FAM135B: variants seen among roughly 807,000 people sequenced by gnomAD.
The protein encoded by FAM135B is protein FAM135B.
FAM135B carries 43 observed loss-of-function variants against 127.7 expected under a neutral mutation model. That is an observed-to-expected ratio of 0.34 (90% CI 0.26 to 0.43). FAM135B has a LOEUF of 0.43. FAM135B is among the 20% of genes least tolerant of loss of function. The probability of loss-of-function intolerance (pLI) is 1.00; values close to 1 mark genes in which losing one functional copy is unlikely to be tolerated. For missense variants in FAM135B, 1,558 were observed against 1,725.6 expected (o/e 0.90, Z 1.72); for synonymous variants, 670 against 665.1 (o/e 1.01, Z -0.11).
At chr8:138,199,274 G>A (rs1174736317) in intron 7 of FAM135B, among the ~76,000 whole-genome samples, 1 of 152,210 alleles carries the variant, frequency 6.6e-6, no homozygotes, top group Non-Finnish European at 1.5e-5. Flanking sequence ...GATGCAGGGT[G>A]CTACCAATTT....
chr8:138,320,022 A>G (rs2130938785), intron 2 of FAM135B, among the ~76,000 whole-genome samples: 1 of 152,320 alleles, frequency 6.6e-6, no homozygotes, highest in South Asian at 2.1e-4. Flanking sequence ...AAACTGGAAA[A>G]GATAAAGAAA....
At chr8:138,374,744 A>G (rs1197056310) in intron 1 of FAM135B, among the ~76,000 whole-genome samples, 1 of 152,182 alleles carries the variant, frequency 6.6e-6, no homozygotes, top group African/African-American at 2.4e-5. Flanking sequence ...AGGTATCCGA[A>G]AAGGGGCTGT....
intron 2 of FAM135B, among the ~76,000 whole-genome samples, chr8:138,364,765 G>A (rs1456158517): frequency 6.6e-6 from 1 of 152,020 alleles, no homozygotes; most frequent in Non-Finnish European, 1.5e-5. Context: ...TACAAATATA[G>A]AAAAAGGTTT....
chr8:138,290,945 C>G (rs1214401226), intron 3 of FAM135B, among the ~76,000 whole-genome samples: 1 of 152,160 alleles, frequency 6.6e-6, no homozygotes, highest in Non-Finnish European at 1.5e-5. Flanking sequence ...TGAGCCTCTC[C>G]TGCCTCTAAC....
At chr8:138,214,816 C>A (rs116623159) in intron 7 of FAM135B, among the ~76,000 whole-genome samples, 3,581 of 152,244 alleles carry the variant, frequency 0.024, 72 homozygotes, top group Middle Eastern at 0.054. Flanking sequence ...CATGATGATG[C>A]ATGTAAGATT....
intron 2 of FAM135B, among the ~76,000 whole-genome samples, chr8:138,328,812 C>A (rs1234026717): frequency 6.6e-6 from 1 of 152,088 alleles, no homozygotes; most frequent in Non-Finnish European, 1.5e-5. Context: ...GATCAAAGAT[C>A]CAATTCATAA....
intron 1 of FAM135B, among the ~76,000 whole-genome samples, chr8:138,425,964 C>T (rs1185732598): frequency 4.6e-3 from 507 of 109,544 alleles, no homozygotes; most frequent in South Asian, 8.6e-3. Context: ...GCCAGGCCAA[C>T]ATATATATAT....
chr8:138,335,411 T>C (rs1828501349), intron 2 of FAM135B, among the ~76,000 whole-genome samples: 2 of 152,044 alleles, frequency 1.3e-5, no homozygotes, highest in South Asian at 4.1e-4. Flanking sequence ...TCATACAAAT[T>C]ATCTACAAAG....
chr8:138,401,870 CAGAA>C (rs1468746463), intron 1 of FAM135B, among the ~76,000 whole-genome samples: 1 of 152,188 alleles, frequency 6.6e-6, no homozygotes, highest in East Asian at 1.9e-4. Context: ...TGGATCATCA[CAGAA>C]AGTATCAGCA....
At chr8:138,482,533 C>T (rs950926420) in intron 1 of FAM135B, among the ~76,000 whole-genome samples, 3 of 152,054 alleles carry the variant, frequency 2.0e-5, no homozygotes, top group Non-Finnish European at 4.4e-5. Flanking sequence ...CTTCATTTTG[C>T]AGCTGGCCCT....
rs549501448 is a variant in FAM135B at position 138,342,096 on chromosome 8, C to A, written c.77+25811G>T. On this transcript the variant is annotated intron_variant, in intron 2 of 19. Coordinates refer to ENST00000395297, the MANE Select transcript of FAM135B (RefSeq NM_015912.4). ...TAGGCGTCAAGCACTCTGCTAAGAT[C>A]TCCACATCTCTTCACCCATTTTATC... 5.9e-5 allele frequency among the ~76,000 whole-genome samples: 9 copies of A among 152,320 alleles called. No homozygotes were observed. In the South Asian group the frequency reaches 1.7e-3, roughly 28 times the overall value.
intron 12 of FAM135B, among the ~76,000 whole-genome samples, chr8:138,155,198 C>T (rs1000793736): frequency 4.6e-5 from 7 of 152,278 alleles, no homozygotes; most frequent in African/African-American, 1.7e-4. Context: ...CCAAAGTAAG[C>T]TTCATAAGTG....
intron 7 of FAM135B, among the ~76,000 whole-genome samples, chr8:138,219,572 G>A (rs543648912): frequency 1.3e-5 from 2 of 152,274 alleles, no homozygotes; most frequent in East Asian, 1.9e-4. Context: ...TAACAAAGAA[G>A]CATGGTCTAA....
intron 2 of FAM135B, among the ~76,000 whole-genome samples, chr8:138,338,519 T>G (rs957154947): frequency 1.3e-5 from 2 of 151,888 alleles, no homozygotes; most frequent in Admixed American, 6.6e-5. Flanking sequence ...ATGCTCATCA[T>G]CACTGGCCAT....
At chr8:138,393,023 C>T (rs930415087) in intron 1 of FAM135B, among the ~76,000 whole-genome samples, 5 of 152,204 alleles carry the variant, frequency 3.3e-5, no homozygotes, top group South Asian at 2.1e-4. Flanking sequence ...ACAATCATGG[C>T]GGAAGGTGAG....
intron 3 of FAM135B, among the ~76,000 whole-genome samples, chr8:138,295,326 T>C (rs1226107043): frequency 6.6e-6 from 1 of 151,918 alleles, no homozygotes; most frequent in African/African-American, 2.4e-5. Context: ...ACATTGACTC[T>C]TTTGTGCTAC....
intron 1 of FAM135B, among the ~76,000 whole-genome samples, chr8:138,477,799 G>T (rs1814576095): frequency 6.6e-6 from 1 of 152,172 alleles, no homozygotes; most frequent in Non-Finnish European, 1.5e-5. Context: ...ACTTTGTCCT[G>T]ATTCAAAGAA....
At chr8:138,481,644 G>A (rs1814785042) in intron 1 of FAM135B, among the ~76,000 whole-genome samples, 1 of 152,344 alleles carries the variant, frequency 6.6e-6, no homozygotes, top group African/African-American at 2.4e-5. Context: ...TTATGCGGCT[G>A]TAACACAGCC....
At chr8:138,268,221 C>CGCTCT (rs1433207310) in intron 3 of FAM135B, among the ~76,000 whole-genome samples, 1 of 152,172 alleles carries the variant, frequency 6.6e-6, no homozygotes, top group Non-Finnish European at 1.5e-5. Context: ...AGACCAGGCA[C>CGCTCT]GCTCTGGGCA....
Sources: allele counts gnomAD v4.1 joint callset (sites outside exome capture counted in the v4.1 genomes callset), GRCh38; gene constraint gnomAD v4.1.1; transcripts MANE v1.5; gene names NCBI Gene and HGNC (gene_info 2026-07-23, HGNC 2026-07-21).